TENM4: variants seen among roughly 807,000 people sequenced by gnomAD.
TENM4 encodes teneurin-4.
A neutral mutation model predicts 243.3 loss-of-function variants in TENM4; 82 were observed. That is an observed-to-expected ratio of 0.34 (90% CI 0.28 to 0.40). The LOEUF (loss-of-function observed/expected upper bound fraction) is 0.40, where lower values mean the gene tolerates loss of function less well. TENM4 is among the 10% of genes least tolerant of loss of function. TENM4 has a pLI of 1.00. For missense variants in TENM4, 3,138 were observed against 3,673.3 expected, an observed-to-expected ratio of 0.85 and a Z score of 3.77; for synonymous variants, 1,412 against 1,456.3, an observed-to-expected ratio of 0.97 and a Z score of 0.69.
At chr11:78,856,323 G>A (rs1399136786) in intron 10 of TENM4, 145 bp from the exon 11 acceptor site, 10 of 692,892 alleles carry the variant, frequency 1.4e-5, no homozygotes, top group East Asian at 2.7e-5. Flanking sequence ...TCCCCACCCT[G>A]GCCCTCCCCA....
Position 78,805,281 on chromosome 11 carries a change from C to CACCCACCCA in TENM4, c.2179+10_2179+11insTGGGTGGGT. 2 of 1,488,494 alleles carry CACCCACCCA rather than the reference C, an allele frequency of 1.3e-6. No homozygotes were observed. The highest frequency in any genetic ancestry group is 1.8e-6 in the Non-Finnish European group (2 of 1,097,816). 92.2% of individuals were successfully genotyped at this position (1,488,494 alleles called of 1,614,324 possible). ...TCCCTCTACCCATGCTTCTTCTCCC[C>CACCCACCCA]CTGCATTTACCGATAGAACAGTCGT... On this transcript the variant is annotated intron_variant, in intron 15 of 33. Transcript: ENST00000278550.
chr11:79,100,378 G>T (rs1243085346), intron 4 of TENM4, among the ~76,000 whole-genome samples: 2 of 152,086 alleles, frequency 1.3e-5, no homozygotes, highest in East Asian at 1.9e-4. Context: ...GGATTGTGGG[G>T]TGTCTTCTAA....
chr11:78,863,973 C>T (rs547669722), intron 9 of TENM4, among the ~76,000 whole-genome samples: 1 of 152,252 alleles, frequency 6.6e-6, no homozygotes, highest in African/African-American at 2.4e-5. Context: ...GTAATATCCA[C>T]ACAACAAAAT....
intron 12 of TENM4, among the ~76,000 whole-genome samples, chr11:78,816,779 C>T (rs1431261641): frequency 6.6e-6 from 1 of 152,206 alleles, no homozygotes; most frequent in Non-Finnish European, 1.5e-5. Flanking sequence ...AATGTTACTA[C>T]ATTAGATACA....
intron 7 of TENM4, among the ~76,000 whole-genome samples, chr11:78,899,398 T>C (rs552775030): frequency 6.6e-6 from 1 of 151,668 alleles, no homozygotes; most frequent in Non-Finnish European, 1.5e-5. Context: ...TTCAAGACCA[T>C]CCTGATCTCT....
At chr11:78,711,880 G>A in intron 26 of TENM4, among the ~76,000 whole-genome samples, 1 of 152,112 alleles carries the variant, frequency 6.6e-6, no homozygotes, top group Non-Finnish European at 1.5e-5. Context: ...TATTTATTCT[G>A]CTGCAACAAA....
At chr11:78,751,228 C>T (rs938974385) in intron 19 of TENM4, among the ~76,000 whole-genome samples, 1 of 152,180 alleles carries the variant, frequency 6.6e-6, no homozygotes, top group Non-Finnish European at 1.5e-5. Context: ...CCTGCCCAGT[C>T]TCTCCTCCTC....
rs140008658 is a variant in TENM4 at position 79,430,036 on chromosome 11, T to C, written c.-321+10473A>G. On this transcript the variant is annotated intron_variant, in intron 1 of 33. Transcript: ENST00000278550. Reference sequence around the variant, plus strand: ...TTTCAAGCCACCAAGAGGTGAAATTTGGGAGGAGACCTTGTTTCAAGGTGG... The same window carrying C: ...TTTCAAGCCACCAAGAGGTGAAATTCGGGAGGAGACCTTGTTTCAAGGTGG... 3.7e-3 allele frequency among the ~76,000 whole-genome samples: 567 copies of C among 151,972 alleles called. 5 individuals are homozygous for C. Among genetic ancestry groups the C allele is most frequent in the African/African-American group, 0.012 (517 of 41,492 alleles).
At chr11:78,946,884 T>A (rs1421454330) in intron 6 of TENM4, among the ~76,000 whole-genome samples, 1 of 152,200 alleles carries the variant, frequency 6.6e-6, no homozygotes, top group East Asian at 1.9e-4. Flanking sequence ...ATAAAACTTT[T>A]ATGGATGAGG....
intron 6 of TENM4, among the ~76,000 whole-genome samples, chr11:79,001,984 C>T (rs1022386872): frequency 2.0e-5 from 3 of 152,176 alleles, no homozygotes; most frequent in Admixed American, 1.3e-4. Flanking sequence ...AGCTCCCCAT[C>T]TCCCCTGCTT....
At chr11:79,018,664 G>A (rs753009223) in intron 6 of TENM4, among the ~76,000 whole-genome samples, 6 of 152,038 alleles carry the variant, frequency 3.9e-5, no homozygotes, top group Non-Finnish European at 7.4e-5. Context: ...CTTACTTCCC[G>A]GAGACCTCTC....
intron 23 of TENM4, among the ~76,000 whole-genome samples, chr11:78,723,732 C>T (rs1855453078): frequency 6.6e-6 from 1 of 152,194 alleles, no homozygotes; most frequent in African/African-American, 2.4e-5. Context: ...ATCCTCTGCC[C>T]GCTGCCTCAC....
intron 1 of TENM4, among the ~76,000 whole-genome samples, chr11:79,426,650 A>G (rs924500925): frequency 1.3e-5 from 2 of 152,210 alleles, no homozygotes; most frequent in Non-Finnish European, 2.9e-5. Context: ...CGGCTGAGCT[A>G]TAAGGTATGA....
intron 9 of TENM4, among the ~76,000 whole-genome samples, chr11:78,875,497 C>T (rs919735691): frequency 6.6e-6 from 1 of 152,184 alleles, no homozygotes; most frequent in Non-Finnish European, 1.5e-5. Context: ...AGCCACTGTG[C>T]CCAGCCTAGT....
intron 23 of TENM4, among the ~76,000 whole-genome samples, chr11:78,724,499 T>C (rs1416041805): frequency 1.3e-5 from 2 of 152,226 alleles, no homozygotes; most frequent in African/African-American, 4.8e-5. Context: ...GGACTTAATT[T>C]ATCTCTATAT....
intron 6 of TENM4, among the ~76,000 whole-genome samples, chr11:79,015,639 A>G (rs1042148645): frequency 5.9e-5 from 9 of 152,172 alleles, no homozygotes; most frequent in Non-Finnish European, 2.9e-5. Flanking sequence ...AACCAGAGAA[A>G]GGCGAAAAAC....
intron 3 of TENM4, among the ~76,000 whole-genome samples, chr11:79,149,806 C>T (rs1565224813): frequency 6.6e-6 from 1 of 152,102 alleles, no homozygotes; most frequent in Non-Finnish European, 1.5e-5. Flanking sequence ...GGTATGTGAG[C>T]AATACACATT....
At chr11:78,736,778 G>A (rs1297009457) in intron 20 of TENM4, among the ~76,000 whole-genome samples, 3 of 152,152 alleles carry the variant, frequency 2.0e-5, no homozygotes, top group Non-Finnish European at 2.9e-5. Context: ...GCTGAGTTGG[G>A]AAGAAAATTT....
chr11:78,867,170 T>C (rs1414368553), intron 9 of TENM4, among the ~76,000 whole-genome samples: 1 of 152,188 alleles, frequency 6.6e-6, no homozygotes, highest in African/African-American at 2.4e-5. Flanking sequence ...TAGTCCACCC[T>C]GTTGTGCTAT....
Sources: gnomAD v4.1 joint callset for allele counts (sites outside exome capture counted in the v4.1 genomes callset) on GRCh38, gnomAD v4.1.1 for gene constraint, MANE v1.5 for transcripts, NCBI Gene and HGNC (gene_info 2026-07-23, HGNC 2026-07-21) for gene names.